The following EPHA6 variants were observed in gnomAD, a reference collection of about 807,000 sequenced individuals.
EPHA6 encodes EPH receptor A6.
Under a neutral mutation model 112.0 loss-of-function variants are expected in EPHA6, and 50 were observed. The observed-to-expected ratio is 0.45, with a 90% CI of 0.36 to 0.56. The LOEUF (loss-of-function observed/expected upper bound fraction) is 0.56, where lower values mean the gene tolerates loss of function less well. Among genes scored for constraint, EPHA6 ranks in the 20% least tolerant of loss-of-function variants. The pLI, the probability that EPHA6 is intolerant of heterozygous loss-of-function variation, is 0.00. For missense variants in EPHA6, 1,280 were observed against 1,417.4 expected, an observed-to-expected ratio of 0.90 and a Z score of 1.56; for synonymous variants, 529 against 490.7, an observed-to-expected ratio of 1.08 and a Z score of -1.03.
chr3:97,448,807 G>A, intron 7 of EPHA6, 77 bp downstream of exon 7: 2 of 1,436,676 alleles, frequency 1.4e-6, no homozygotes, highest in South Asian at 1.2e-5. Flanking sequence ...TTAAAACCAG[G>A]TGTCCCAAGT....
intron 13 of EPHA6, among the ~76,000 whole-genome samples, chr3:97,616,609 A>C (rs1274171523): frequency 6.6e-6 from 1 of 152,184 alleles, no homozygotes; most frequent in African/African-American, 2.4e-5. Context: ...GAGCTAAAAA[A>C]CACAATAAAA....
intron 3 of EPHA6, among the ~76,000 whole-genome samples, chr3:97,073,133 T>C (rs1242558263): frequency 6.6e-6 from 1 of 152,138 alleles, no homozygotes; most frequent in Non-Finnish European, 1.5e-5. Flanking sequence ...CTACACCACA[T>C]GTGACTTAGA....
intron 5 of EPHA6, among the ~76,000 whole-genome samples, chr3:97,291,254 C>T (rs2080670932): frequency 6.6e-6 from 1 of 152,094 alleles, no homozygotes; most frequent in South Asian, 2.1e-4. Context: ...GAGAAGATTT[C>T]AATTTTTACA....
intron 2 of EPHA6, among the ~76,000 whole-genome samples, chr3:96,908,504 T>G (rs1186766171): frequency 1.3e-5 from 2 of 151,934 alleles, no homozygotes; most frequent in Non-Finnish European, 2.9e-5. Flanking sequence ...TGTGCTTGGA[T>G]AGCTTATTAT....
chr3:97,108,321 A>C (rs1353245850), intron 3 of EPHA6, among the ~76,000 whole-genome samples: 1 of 152,208 alleles, frequency 6.6e-6, no homozygotes, highest in Non-Finnish European at 1.5e-5. Context: ...CAATCAATGG[A>C]TGCCAAAATA....
chr3:97,222,817 A>G (rs1029872232), intron 3 of EPHA6, among the ~76,000 whole-genome samples: 1 of 152,224 alleles, frequency 6.6e-6, no homozygotes, highest in African/African-American at 2.4e-5. Context: ...GCACCGGACA[A>G]ATCTGCTCTT....
intron 1 of EPHA6, among the ~76,000 whole-genome samples, chr3:96,857,659 T>A (rs1196591707): frequency 1.3e-5 from 2 of 152,136 alleles, no homozygotes; most frequent in Non-Finnish European, 2.9e-5. Flanking sequence ...TAATATTTTT[T>A]TTAAGTCTTC....
At chr3:96,879,482 G>A (rs1458873214) in intron 2 of EPHA6, among the ~76,000 whole-genome samples, 6 of 151,976 alleles carry the variant, frequency 3.9e-5, no homozygotes, top group African/African-American at 1.4e-4. Flanking sequence ...AAGAGACATT[G>A]GTCAATGTGG....
chr3:97,160,571 C>T (rs1436627078), intron 3 of EPHA6, among the ~76,000 whole-genome samples: 2 of 152,090 alleles, frequency 1.3e-5, no homozygotes, highest in African/African-American at 4.8e-5. Flanking sequence ...TGAGCCCCCA[C>T]ATCCGGCCTA....
chr3:97,139,676 G>T (rs115260467), intron 3 of EPHA6, among the ~76,000 whole-genome samples: 1 of 152,032 alleles, frequency 6.6e-6, no homozygotes, highest in South Asian at 2.1e-4. Flanking sequence ...ACCCTCGGGG[G>T]GAAACAAATC....
intron 5 of EPHA6, among the ~76,000 whole-genome samples, chr3:97,251,069 T>C (rs111357144): frequency 0.011 from 1,731 of 152,024 alleles, 32 homozygotes; most frequent in African/African-American, 0.039. Flanking sequence ...GGTTTCACCA[T>C]GTTGGCCAGG....
intron 6 of EPHA6, among the ~76,000 whole-genome samples, chr3:97,431,480 T>C (rs879826764): frequency 4.6e-5 from 7 of 152,144 alleles, no homozygotes; most frequent in African/African-American, 7.2e-5. Context: ...AACCTGTGTT[T>C]GATCCTTCCA....
rs2031716791 is a variant in EPHA6 at position 97,679,826 on chromosome 3, G to A, written c.2785-40435G>A. Among the ~76,000 whole-genome samples the A allele has an allele frequency of 1.3e-5, 2 of 152,132 alleles. 1 individual carries two copies. The highest frequency in any genetic ancestry group is 4.1e-4 in the South Asian group (2 of 4,834). ...TATTACACTCTTGGTGATTCACAAA[G>A]ACACATTAACTTATTAAAGGTTCTC... is the stretch of plus-strand genomic sequence containing the variant. On this transcript the variant is annotated intron_variant, in intron 14 of 17. Coordinates refer to ENST00000389672, the MANE Select transcript of EPHA6 (RefSeq NM_001080448.3).
chr3:97,392,365 G>A (rs2109067318), intron 5 of EPHA6, among the ~76,000 whole-genome samples: 1 of 151,602 alleles, frequency 6.6e-6, no homozygotes, highest in South Asian at 2.1e-4. Context: ...CTTCTTACAT[G>A]TAGTTTCACT....
chr3:96,943,826 G>A (rs557658800), intron 2 of EPHA6, among the ~76,000 whole-genome samples: 83 of 152,096 alleles, frequency 5.5e-4, no homozygotes, highest in Admixed American at 1.6e-3. Flanking sequence ...ATGTTATGCT[G>A]AAAAATAAAT....
chr3:96,934,592 C>A (rs964620401), intron 2 of EPHA6, among the ~76,000 whole-genome samples: 11 of 150,696 alleles, frequency 7.3e-5, no homozygotes, highest in Admixed American at 6.0e-4. Flanking sequence ...ATAATTTTAC[C>A]CTGTGTATAA....
At chr3:97,321,534 T>G (rs1476022346) in intron 5 of EPHA6, among the ~76,000 whole-genome samples, 2 of 152,022 alleles carry the variant, frequency 1.3e-5, no homozygotes, top group African/African-American at 4.8e-5. Context: ...AACTAGAGTC[T>G]TCCTATTTTC....
At chr3:96,992,664 C>T (rs2043259769) in intron 3 of EPHA6, among the ~76,000 whole-genome samples, 1 of 151,924 alleles carries the variant, frequency 6.6e-6, no homozygotes, top group African/African-American at 2.4e-5. Context: ...CCTTAGCATT[C>T]AAGGAATTGT....
intron 2 of EPHA6, among the ~76,000 whole-genome samples, chr3:96,921,581 CT>C (rs779978249): frequency 1.7e-3 from 247 of 141,608 alleles, no homozygotes; most frequent in Middle Eastern, 7.2e-3. Flanking sequence ...AAATACACAA[CT>C]TTTTTTTTTT....
Sources: gnomAD v4.1 joint callset for allele counts (sites outside exome capture counted in the v4.1 genomes callset) on GRCh38, gnomAD v4.1.1 for gene constraint, MANE v1.5 for transcripts, NCBI Gene and HGNC (gene_info 2026-07-23, HGNC 2026-07-21) for gene names.